The following PCDH11Y variants were observed in gnomAD, a reference collection of about 807,000 sequenced individuals.
PCDH11Y encodes protocadherin-11 Y-linked.
For synonymous variants in PCDH11Y, 9 were observed against 83.6 expected, an observed-to-expected ratio of 0.11 and a Z score of 4.87; for missense variants, 12 against 224.8, an observed-to-expected ratio of 0.05 and a Z score of 6.05.
intron 1 of PCDH11Y, among the ~76,000 whole-genome samples, chrY:5,079,776 A>AT (rs2052716766): frequency 3.0e-5 from 1 of 33,269 alleles, no homozygotes; most frequent in Non-Finnish European, 7.4e-5. Context: ...TCATTTTCCC[A>AT]TTGTCTTCTC....
At chrY:5,285,474 G>A (rs2053058955) in intron 2 of PCDH11Y, among the ~76,000 whole-genome samples, 1 of 33,052 alleles carries the variant, frequency 3.0e-5, no homozygotes, top group Non-Finnish European at 7.5e-5. Context: ...TTGAGAAATC[G>A]CCAAACCACT....
At chrY:5,696,527 G>A in intron 4 of PCDH11Y, among the ~76,000 whole-genome samples, 2 of 32,559 alleles carry the variant, frequency 6.1e-5, no homozygotes, top group Non-Finnish European at 1.5e-4. Flanking sequence ...TCTAGCTAGT[G>A]GTTTCTCTAT....
chrY:5,627,404 G>T (rs1602953765), intron 4 of PCDH11Y, among the ~76,000 whole-genome samples: 2 of 23,454 alleles, frequency 8.5e-5, no homozygotes, highest in Non-Finnish European at 1.8e-4. Context: ...TTTTTTTTTG[G>T]TTTTTTTTTT....
chrY:5,305,366 A>C, intron 2 of PCDH11Y, among the ~76,000 whole-genome samples: 3 of 33,619 alleles, frequency 8.9e-5, no homozygotes, highest in Non-Finnish European at 1.5e-4. Flanking sequence ...AATTGGACAA[A>C]GTGTAATAAA....
At chrY:5,720,521 G>A in intron 4 of PCDH11Y, among the ~76,000 whole-genome samples, 2 of 26,752 alleles carry the variant, frequency 7.5e-5, no homozygotes, top group African/African-American at 3.0e-4. Flanking sequence ...GTAAAATGGC[G>A]TAGCTACTAA....
chrY:5,298,198 A>G, intron 2 of PCDH11Y, among the ~76,000 whole-genome samples: 3 of 33,769 alleles, frequency 8.9e-5, no homozygotes, highest in Non-Finnish European at 2.2e-4. Flanking sequence ...CCTGGAGGCA[A>G]TGGAAGAGCA....
chrY:5,134,748 G>T (rs2052837239), intron 2 of PCDH11Y, among the ~76,000 whole-genome samples: 11 of 31,745 alleles, frequency 3.5e-4, no homozygotes, highest in South Asian at 7.4e-4. Flanking sequence ...CGAAGTGGGG[G>T]GGAAATGGCA....
intron 4 of PCDH11Y, among the ~76,000 whole-genome samples, chrY:5,641,919 A>G: frequency 2.9e-5 from 1 of 34,156 alleles, no homozygotes; most frequent in African/African-American, 1.1e-4. Context: ...CAGATGTTAT[A>G]TCTAATTTTC....
chrY:5,372,703 T>TCTTC lies in PCDH11Y; in HGVS notation c.3130-128334_3130-128331dup, dbSNP rs2053188651. 7.1e-3 allele frequency among the ~76,000 whole-genome samples: 220 copies of TCTTC among 30,872 alleles called. No individual in the cohort carries two copies. In the Middle Eastern group the frequency reaches 0.24, roughly 33 times the overall value. The allele number at this position is 30,872 out of a possible 37,273, so 82.8% of individuals were successfully genotyped here. ...CTTCTTTCTTTCTTTTCCTTTCTTT[T>TCTTC]CTTCCTTCCTTCCTTCCTTCCTTTC... is the stretch of plus-strand genomic sequence containing the variant. On this transcript the variant is annotated intron_variant, in intron 2 of 4. Coordinates refer to the PCDH11Y transcript ENST00000400457.
intron 2 of PCDH11Y, among the ~76,000 whole-genome samples, chrY:5,289,353 G>A: frequency 6.0e-5 from 2 of 33,456 alleles, no homozygotes; most frequent in Non-Finnish European, 7.4e-5. Flanking sequence ...TTTTCTCCCC[G>A]GGAGAGGCAG....
intron 3 of PCDH11Y, among the ~76,000 whole-genome samples, chrY:5,520,430 G>A (rs2053379559): frequency 1.1e-4 from 3 of 28,359 alleles, no homozygotes; most frequent in Non-Finnish European, 2.5e-4. Context: ...GACTCCTTTT[G>A]CATGTTCTTA....
intron 2 of PCDH11Y, among the ~76,000 whole-genome samples, chrY:5,441,170 T>C (rs2053281788): frequency 3.0e-5 from 1 of 32,900 alleles, no homozygotes; most frequent in Admixed American, 2.8e-4. Flanking sequence ...AATAATTGCA[T>C]GCTTTCAAAG....
At chrY:5,496,258 G>A in intron 2 of PCDH11Y, among the ~76,000 whole-genome samples, 2 of 33,439 alleles carry the variant, frequency 6.0e-5, no homozygotes, top group South Asian at 1.3e-3. Flanking sequence ...TCTTTAACCA[G>A]CTTTTCCATA....
chrY:5,615,968 C>T (rs2124701583), intron 4 of PCDH11Y, among the ~76,000 whole-genome samples: 3 of 33,560 alleles, frequency 8.9e-5, no homozygotes, highest in Admixed American at 2.7e-4. Context: ...AATGTTATAC[C>T]GCAGGTATGT....
intron 2 of PCDH11Y, among the ~76,000 whole-genome samples, chrY:5,467,652 A>G: frequency 1.5e-4 from 5 of 32,825 alleles, no homozygotes; most frequent in Non-Finnish European, 3.8e-4. Context: ...GAGCAAAGCA[A>G]AAGTTATAAC....
intron 2 of PCDH11Y, among the ~76,000 whole-genome samples, chrY:5,491,899 T>A: frequency 6.1e-5 from 2 of 32,661 alleles, no homozygotes; most frequent in Non-Finnish European, 1.5e-4. Context: ...TGCATTTGAC[T>A]TGCCTTTGGC....
In PCDH11Y at chrY:5,507,415, A is replaced by G. The variant is rs2124688606; in HGVS notation, c.3328+6160A>G. On this transcript the variant is annotated intron_variant, in intron 3 of 4. Coordinates refer to the PCDH11Y transcript ENST00000400457. ...AATTGAAAAATGACTGCTAATTTGGAGTATATAGGCTTTGGGAAGGCAACA... is the reference window on the plus strand; with the variant it reads ...AATTGAAAAATGACTGCTAATTTGGGGTATATAGGCTTTGGGAAGGCAACA... 2.1e-4 allele frequency among the ~76,000 whole-genome samples: 7 copies of G among 32,809 alleles called. No homozygotes were observed. The South Asian group carries it at 4.0e-3, about 19-fold the overall frequency. 88.0% of individuals were successfully genotyped at this position (32,809 alleles called of 37,273 possible). A position where few individuals can be genotyped will look rare whatever the true frequency, so the allele number is the denominator to read the frequency against.
Position 5,576,785 on chromosome Y carries a change from G to A in PCDH11Y, c.3329-4990G>A. On this transcript the variant is annotated intron_variant, in intron 3 of 4. Coordinates refer to the PCDH11Y transcript ENST00000400457. ...CCCTTGTCAGTTGATGTGTACATGA[G>A]GGGGTAAATTGCATTTAGTATTCAT... 1.2e-4 allele frequency among the ~76,000 whole-genome samples: 4 copies of A among 33,020 alleles called. No individual in the cohort carries two copies. The East Asian group carries it at 3.2e-3, about 26-fold the overall frequency. The allele number at this position is 33,020 out of a possible 37,273, so 88.6% of individuals were successfully genotyped here. A position where few individuals can be genotyped will look rare whatever the true frequency, so the allele number is the denominator to read the frequency against.
chrY:5,204,982 T>G, intron 2 of PCDH11Y, among the ~76,000 whole-genome samples: 1 of 30,456 alleles, frequency 3.3e-5, no homozygotes, highest in Non-Finnish European at 7.8e-5. Flanking sequence ...GTGACAATTT[T>G]AAAAAGCTGG....
Sources: gnomAD v4.1 joint callset for allele counts (sites outside exome capture counted in the v4.1 genomes callset) on GRCh38, gnomAD v4.1.1 for gene constraint, MANE v1.5 for transcripts, NCBI Gene and HGNC (gene_info 2026-07-23, HGNC 2026-07-21) for gene names.